ZNF624: variants seen among roughly 807,000 people sequenced by gnomAD.
The protein encoded by ZNF624 is zinc finger protein 624.
A neutral mutation model predicts 74.7 loss-of-function variants in ZNF624; 43 were observed. The ratio of observed to expected loss-of-function variants is 0.58; its 90% CI spans 0.45 to 0.74. ZNF624 has a LOEUF of 0.74. Ranked by LOEUF, ZNF624 falls within the 30% of genes least tolerant of loss-of-function variation. ZNF624 has a pLI of 0.00. For synonymous variants in ZNF624, 331 were observed against 341.3 expected, an observed-to-expected ratio of 0.97 and a Z score of 0.33; for missense variants, 820 against 1,030.0, an observed-to-expected ratio of 0.80 and a Z score of 2.79.
chr17:16,615,527 A>T, the ZNF624 span, among the ~76,000 whole-genome samples: 1 of 152,196 alleles, frequency 6.6e-6, no homozygotes, highest in Non-Finnish European at 1.5e-5. Context: ...CAATTTTTTA[A>T]ATGTTTAAAA....
chr17:16,618,956 G>A (rs546252707), downstream of ZNF624, among the ~76,000 whole-genome samples: 7 of 152,106 alleles, frequency 4.6e-5, no homozygotes, highest in Non-Finnish European at 8.8e-5. Context: ...ATTGTGTAAG[G>A]GGTCAGTTCT....
intron 5 of ZNF624, among the ~76,000 whole-genome samples, chr17:16,628,291 C>A (rs1178379057): frequency 1.3e-5 from 2 of 151,400 alleles, no homozygotes; most frequent in Admixed American, 6.6e-5. Flanking sequence ...AAAAGGGAGA[C>A]AAAAATCAAA....
chr17:16,643,023 T>A (rs1231769735), intron 3 of ZNF624, among the ~76,000 whole-genome samples: 2 of 152,176 alleles, frequency 1.3e-5, no homozygotes, highest in Non-Finnish European at 2.9e-5. Flanking sequence ...CCAGACAATA[T>A]CAAGCGTTGT....
rs1341148324 is a variant in ZNF624 at position 16,622,325 on chromosome 17, T to C, written c.2561A>G (p.His854Arg). ...AGTTTCTCTTTGATGTATTCTTTGA[T>C]GTACAGTAAGGCTCGAACTACTCCT... ...AFRSSSSLTV[H>R]QRIHQRETQL... Residue 854 changes from histidine (H) to arginine (R), a missense_variant, in exon 6 of 6, where the codon CAT becomes CGT. Coordinates refer to ENST00000311331, the MANE Select transcript of ZNF624 (RefSeq NM_020787.4). 6.3e-7 allele frequency: 1 copy of C among 1,596,186 alleles called. No homozygotes were observed. Among genetic ancestry groups the C allele is most frequent in the Non-Finnish European group, 8.5e-7 (1 of 1,173,930 alleles).
chr17:16,651,451 G>A lies in ZNF624; in HGVS notation c.-2-1705C>T, dbSNP rs1182976514. On this transcript the variant is annotated intron_variant, in intron 1 of 5. Transcript: ENST00000311331. ...TCTCAAAAAAAAAAAAAAAAAGTGAGTATCTTAAAAATGTAGAGTGACCTG... is the reference window on the plus strand; with the variant it reads ...TCTCAAAAAAAAAAAAAAAAAGTGAATATCTTAAAAATGTAGAGTGACCTG... Among the ~76,000 whole-genome samples the A allele has an allele frequency of 2.0e-5, 3 of 150,950 alleles. No homozygotes were observed. In the South Asian group the frequency reaches 6.3e-4, roughly 32 times the overall value.
intron 5 of ZNF624, among the ~76,000 whole-genome samples, chr17:16,625,262 A>G (rs1042606475): frequency 6.7e-6 from 1 of 148,820 alleles, no homozygotes; most frequent in African/African-American, 2.5e-5. Flanking sequence ...GCTCACTGCA[A>G]CCTCCACCTC....
chr17:16,637,161 C>T (rs1371561348), intron 3 of ZNF624, among the ~76,000 whole-genome samples: 2 of 151,828 alleles, frequency 1.3e-5, no homozygotes, highest in Non-Finnish European at 3.0e-5. Context: ...ATCCAACTTA[C>T]AAGGGATGTG....
intron 3 of ZNF624, among the ~76,000 whole-genome samples, chr17:16,636,533 T>C (rs1909334758): frequency 6.6e-6 from 1 of 152,154 alleles, no homozygotes; most frequent in South Asian, 2.1e-4. Context: ...GCTGAAAATA[T>C]TTTAAAAATC....
At chr17:16,649,338 T>G (rs550298262) in intron 2 of ZNF624, among the ~76,000 whole-genome samples, 1 of 152,312 alleles carries the variant, frequency 6.6e-6, no homozygotes, top group African/African-American at 2.4e-5. Context: ...AATTGAAAAA[T>G]ATTCCATTTT....
In ZNF624 at chr17:16,622,976, A is replaced by G; in HGVS notation, c.1910T>C (p.Val637Ala). The G allele has an allele frequency of 6.2e-7, 1 of 1,613,326 alleles. No homozygotes were observed. The highest frequency in any genetic ancestry group is 8.5e-7 in the Non-Finnish European group (1 of 1,179,788). ...ACAGTCATAACATTTATAGGGTTTC[A>G]CTCCAGTATGAATTTTCTGATGCTC... ...LKEHQKIHTG[V>A]KPYKCYDCGK... The change falls in exon 6 of 6, where the codon GTG becomes GCG. Residue 637 changes from valine to alanine, a missense_variant. Val to Ala is a moderately conservative substitution (Grantham distance 64). Coordinates refer to ENST00000311331, the MANE Select transcript of ZNF624 (RefSeq NM_020787.4).
chr17:16,633,547 A>AGAAGAC (rs1294761121), intron 5 of ZNF624, among the ~76,000 whole-genome samples: 197 of 152,348 alleles, frequency 1.3e-3, no homozygotes, highest in African/African-American at 4.6e-3. Flanking sequence ...GAGAAACATG[A>AGAAGAC]AGTTAACTGG....
At chr17:16,628,787 AT>A (rs1339940166) in intron 5 of ZNF624, among the ~76,000 whole-genome samples, 1 of 152,124 alleles carries the variant, frequency 6.6e-6, no homozygotes, top group African/African-American at 2.4e-5. Context: ...AAAAAAAAAA[AT>A]CAAGTCACAA....
At position 16,622,409 on chromosome 17, in the gene ZNF624, TGTACA is replaced by T. The variant is rs1289407795; in HGVS notation, c.2472_2476del (p.Val825LeufsTer11). The T allele has an allele frequency of 8.7e-6, 14 of 1,613,902 alleles. No individual in the cohort carries two copies. The highest frequency in any genetic ancestry group is 2.2e-5 in the East Asian group (1 of 44,888). On this transcript the variant is annotated frameshift_variant, in exon 6 of 6. Transcript: ENST00000311331. LOFTEE classifies it high-confidence loss of function. ...TTTTTCTCCAGTATGCATCCTCAAGTGTACAGTAAAGTCTGAGTTAGTTCTGAAGG... is the reference window on the plus strand; with the variant it reads ...TTTTTCTCCAGTATGCATCCTCAAGTGTAAAGTCTGAGTTAGTTCTGAAGG...
At chr17:16,619,101 C>T (rs969029645), downstream of ZNF624, among the ~76,000 whole-genome samples, 10 of 152,156 alleles carry the variant, frequency 6.6e-5, no homozygotes, top group Non-Finnish European at 2.9e-5. Flanking sequence ...TCGGATTTAT[C>T]ATAAATGTTC....
intron 3 of ZNF624, among the ~76,000 whole-genome samples, chr17:16,644,222 T>C (rs1209417097): frequency 6.6e-6 from 1 of 152,210 alleles, no homozygotes; most frequent in Non-Finnish European, 1.5e-5. Flanking sequence ...TCTTTATAAA[T>C]TACCCACTCT....
intron 5 of ZNF624, chr17:16,624,898 ATGGTGGTGTG>A (rs1420636742): frequency 6.1e-6 from 1 of 164,546 alleles, no homozygotes; most frequent in African/African-American, 2.6e-5. Context: ...TTAGCCAGGC[ATGGTGGTGTG>A]CACCTGTAGT....
downstream of ZNF624, among the ~76,000 whole-genome samples, chr17:16,620,463 G>A (rs894861424): frequency 2.0e-5 from 3 of 152,172 alleles, no homozygotes; most frequent in Non-Finnish European, 4.4e-5. Flanking sequence ...TTCTTTCTGA[G>A]GCTTGAGGTC....
At position 16,649,786 on chromosome 17, in the gene ZNF624, G is replaced by A. The variant is rs749609309; in HGVS notation, c.-2-40C>T. Reference sequence around the variant, plus strand: ...TAAGCCATGGAAACCAATCCTGCCTGGGGAATTTCAGACTCACCAAGTTGG... The same window carrying A: ...TAAGCCATGGAAACCAATCCTGCCTAGGGAATTTCAGACTCACCAAGTTGG... On this transcript the variant is annotated intron_variant, in intron 1 of 5. Coordinates refer to ENST00000311331, the MANE Select transcript of ZNF624 (RefSeq NM_020787.4). 9.0e-6 allele frequency: 14 copies of A among 1,551,572 alleles called. No homozygotes were observed. In the East Asian group the frequency reaches 2.9e-4, roughly 32 times the overall value.
chr17:16,652,219 T>C (rs73978610), intron 1 of ZNF624, among the ~76,000 whole-genome samples: 1,748 of 152,246 alleles, frequency 0.011, 28 homozygotes, highest in African/African-American at 0.039. Flanking sequence ...ATATATGATG[T>C]TGCATATTAC....
Sources: allele counts gnomAD v4.1 joint callset (sites outside exome capture counted in the v4.1 genomes callset), GRCh38; gene constraint gnomAD v4.1.1; transcripts MANE v1.5; gene names NCBI Gene and HGNC (gene_info 2026-07-23, HGNC 2026-07-21).